Variants in KIAA0586 observed in about 807,000 individuals in gnomAD.
KIAA0586 encodes KIAA0586.
Under a neutral mutation model 169.8 loss-of-function variants are expected in KIAA0586, and 144 were observed. The observed-to-expected ratio is 0.85, with a 90% CI of 0.74 to 0.97. KIAA0586 has a LOEUF of 0.97. KIAA0586 is among the 50% of genes least tolerant of loss of function. The pLI is 0.00. For missense variants in KIAA0586, 1,854 were observed against 1,823.0 expected, an observed-to-expected ratio of 1.02 and a Z score of -0.31; for synonymous variants, 625 against 612.4, an observed-to-expected ratio of 1.02 and a Z score of -0.30.
chr14:58,538,149 C>T (rs933855836), intron 29 of KIAA0586, among the ~76,000 whole-genome samples: 1 of 151,894 alleles, frequency 6.6e-6, no homozygotes, highest in East Asian at 1.9e-4. Flanking sequence ...GAATGAGACC[C>T]CATTTCTTTA....
intron 4 of KIAA0586, among the ~76,000 whole-genome samples, chr14:58,434,364 G>C (rs2037634013): frequency 6.6e-6 from 1 of 152,066 alleles, no homozygotes; most frequent in South Asian, 2.1e-4. Context: ...CAGTTACTGG[G>C]AAATAAATTT....
intron 20 of KIAA0586, among the ~76,000 whole-genome samples, chr14:58,479,808 C>T (rs1442485940): frequency 6.6e-6 from 1 of 152,078 alleles, no homozygotes; most frequent in Non-Finnish European, 1.5e-5. Flanking sequence ...ATTGAACTAC[C>T]TTAACACCTT....
Position 58,452,144 on chromosome 14 carries a change from G to A in KIAA0586, c.1130-1206G>A, listed in dbSNP as rs1181862659. On this transcript the variant is annotated intron_variant, in intron 8 of 30. Coordinates refer to ENST00000652326, the MANE Select transcript of KIAA0586 (RefSeq NM_001329943.3). ...GACTTGTGGGGAAAGGGTGGGAAGC[G>A]GGTGAGGGATAAAAGACTACAAATT... Among the ~76,000 whole-genome samples, 5 of 152,238 alleles carry A rather than the reference G, an allele frequency of 3.3e-5. No homozygotes were observed. In the South Asian group the frequency reaches 6.2e-4, roughly 19 times the overall value.
chr14:58,470,869 T>G (rs2041161612), intron 17 of KIAA0586, 146 bp downstream of exon 17: 1 of 484,996 alleles, frequency 2.1e-6, no homozygotes, highest in South Asian at 2.2e-5. Flanking sequence ...TTTTTTTTTT[T>G]CAGTCAGAGT....
chr14:58,474,170 C>T (rs766673823), intron 18 of KIAA0586, among the ~76,000 whole-genome samples: 1 of 152,012 alleles, frequency 6.6e-6, no homozygotes, highest in East Asian at 1.9e-4. Flanking sequence ...GGGATCTGCC[C>T]CCAAGACCCA....
chr14:58,441,947 C>T (rs1177107090), intron 4 of KIAA0586: 2 of 152,048 alleles, frequency 1.3e-5, no homozygotes, highest in East Asian at 1.9e-4. Flanking sequence ...ACCAGACTTA[C>T]TCCACTTTTT....
chr14:58,557,965 A>G, the KIAA0586 span, among the ~76,000 whole-genome samples: 1 of 116,628 alleles, frequency 8.6e-6, no homozygotes, highest in African/African-American at 3.4e-5. Context: ...GCTGGAGTGC[A>G]GTGGTGTGAT....
chr14:58,490,984 A>G (rs2042802694), intron 25 of KIAA0586, among the ~76,000 whole-genome samples: 2 of 152,142 alleles, frequency 1.3e-5, no homozygotes, highest in South Asian at 2.1e-4. Flanking sequence ...TAATGAAACA[A>G]TTTTTAAACA....
chr14:58,553,852 C>G (rs2047230472), downstream of KIAA0586, among the ~76,000 whole-genome samples: 1 of 152,194 alleles, frequency 6.6e-6, no homozygotes, highest in South Asian at 2.1e-4. Flanking sequence ...CCACCCCAAA[C>G]TAAGTAGCTT....
chr14:58,471,735 G>T (rs1462091323), intron 17 of KIAA0586, among the ~76,000 whole-genome samples: 1 of 152,014 alleles, frequency 6.6e-6, no homozygotes, highest in Non-Finnish European at 1.5e-5. Flanking sequence ...TCAGTAAGAG[G>T]CTATTGCATG....
intron 29 of KIAA0586, among the ~76,000 whole-genome samples, chr14:58,526,961 A>C (rs904615697): frequency 3.3e-5 from 5 of 152,122 alleles, no homozygotes; most frequent in African/African-American, 9.7e-5. Flanking sequence ...CCTTGAAAAA[A>C]GGTTAGACAA....
In KIAA0586 at chr14:58,461,151, C is replaced by T. The variant is rs749475936; in HGVS notation, c.2050C>T (p.Arg684Ter). 21 of 1,576,422 alleles carry T rather than the reference C, an allele frequency of 1.3e-5. No individual in the cohort carries two copies. The highest frequency in any genetic ancestry group is 4.6e-5 in the East Asian group (2 of 43,258). The change falls in exon 14 of 31, where the codon CGA becomes TGA. Residue 684 changes from arginine (R) to a stop codon, truncating the protein, a stop_gained. Coordinates refer to ENST00000652326, the MANE Select transcript of KIAA0586 (RefSeq NM_001329943.3). LOFTEE classifies it high-confidence loss of function. ...ACCACAGAGACCAAAAGTAATAGAA[C>T]GAGTTAAAGGTAAGGAATCTCATTT... ...SRPQRPKVIE[R>*]VKGTKVKSIR...
chr14:58,463,700 C>T (rs1030017249), intron 14 of KIAA0586, among the ~76,000 whole-genome samples: 3 of 152,048 alleles, frequency 2.0e-5, no homozygotes, highest in Admixed American at 6.6e-5. Flanking sequence ...TGCCTGTAGT[C>T]CCAGCTACTT....
At chr14:58,451,588 G>T (rs2039393958) in intron 8 of KIAA0586, among the ~76,000 whole-genome samples, 1 of 152,096 alleles carries the variant, frequency 6.6e-6, no homozygotes, top group South Asian at 2.1e-4. Context: ...ATCATTTTTA[G>T]AGCATGCTTC....
At chr14:58,556,815 G>A in the KIAA0586 span, among the ~76,000 whole-genome samples, 1 of 151,970 alleles carries the variant, frequency 6.6e-6, no homozygotes, top group Non-Finnish European at 1.5e-5. Context: ...GCTCGATCTC[G>A]GCTCACTGCA....
chr14:58,560,770 A>G, the KIAA0586 span, among the ~76,000 whole-genome samples: 1 of 152,196 alleles, frequency 6.6e-6, no homozygotes, highest in African/African-American at 2.4e-5. Flanking sequence ...ACCGTTCTAA[A>G]GTGACTCTGA....
At chr14:58,486,230 G>A (rs754549340) in intron 21 of KIAA0586, among the ~76,000 whole-genome samples, 3 of 152,014 alleles carry the variant, frequency 2.0e-5, no homozygotes, top group Non-Finnish European at 4.4e-5. Flanking sequence ...CTGTTTGTTT[G>A]TTCAGAATTA....
downstream of KIAA0586, among the ~76,000 whole-genome samples, chr14:58,555,187 G>A (rs1340822705): frequency 7.6e-6 from 1 of 131,752 alleles, no homozygotes; most frequent in Non-Finnish European, 1.5e-5. Context: ...TTCAACCTCC[G>A]CCTCCCAGTC....
intron 4 of KIAA0586, among the ~76,000 whole-genome samples, chr14:58,432,716 T>A (rs1035025919): frequency 6.6e-6 from 1 of 152,180 alleles, no homozygotes; most frequent in African/African-American, 2.4e-5. Context: ...ATCCCCATTT[T>A]CTTTTATTTA....
Sources: gnomAD v4.1 joint callset for allele counts (sites outside exome capture counted in the v4.1 genomes callset) on GRCh38, gnomAD v4.1.1 for gene constraint, MANE v1.5 for transcripts, NCBI Gene and HGNC (gene_info 2026-07-23, HGNC 2026-07-21) for gene names.